The following PDE4D variants were observed in gnomAD, a reference collection of about 807,000 sequenced individuals.
The protein encoded by PDE4D is 3',5'-cyclic-AMP phosphodiesterase 4D.
PDE4D carries 24 observed loss-of-function variants against 87.4 expected under a neutral mutation model. The ratio of observed to expected loss-of-function variants is 0.27; its 90% CI spans 0.20 to 0.39. PDE4D has a LOEUF of 0.39. PDE4D is among the 10% of genes least tolerant of loss of function. The pLI is 1.00. For missense variants in PDE4D, 714 were observed against 1,041.0 expected (o/e 0.69, Z 4.32); for synonymous variants, 384 against 383.2 (o/e 1.00, Z -0.02).
chr5:59,856,897 T>C (rs561125300), intron 1 of PDE4D, among the ~76,000 whole-genome samples: 1 of 152,086 alleles, frequency 6.6e-6, no homozygotes, highest in Non-Finnish European at 1.5e-5. Flanking sequence ...TGAGTATTAG[T>C]CCTTTTTTTT....
intron 1 of PDE4D, among the ~76,000 whole-genome samples, chr5:59,878,343 T>C (rs1748912491): frequency 6.6e-6 from 1 of 152,220 alleles, no homozygotes; most frequent in Non-Finnish European, 1.5e-5. Context: ...TTCAAATGTT[T>C]GCCTTACCCA....
intron 1 of PDE4D, among the ~76,000 whole-genome samples, chr5:60,387,553 C>T (rs6886304): frequency 0.16 from 24,308 of 152,200 alleles, 3,279 homozygotes; most frequent in African/African-American, 0.37. Flanking sequence ...GGCAGAGATG[C>T]CTGTACTGAC....
chr5:59,709,117 G>A (rs1753849461), intron 1 of PDE4D, among the ~76,000 whole-genome samples: 1 of 152,100 alleles, frequency 6.6e-6, no homozygotes, highest in Middle Eastern at 3.2e-3. Flanking sequence ...TTGCATGGAA[G>A]TAAAGGAACT....
chr5:60,302,745 T>C (rs913359963), intron 1 of PDE4D, among the ~76,000 whole-genome samples: 8 of 152,212 alleles, frequency 5.3e-5, no homozygotes, highest in African/African-American at 1.4e-4. Flanking sequence ...CTAGTTCCTT[T>C]AGTTGTGATG....
At chr5:59,706,925 T>G (rs1454025862) in intron 1 of PDE4D, among the ~76,000 whole-genome samples, 1 of 152,128 alleles carries the variant, frequency 6.6e-6, no homozygotes, top group African/African-American at 2.4e-5. Context: ...TTATGGACAA[T>G]GAAACCAAAT....
intron 1 of PDE4D, among the ~76,000 whole-genome samples, chr5:59,694,724 T>C (rs1751496387): frequency 6.6e-6 from 1 of 151,976 alleles, no homozygotes; most frequent in East Asian, 1.9e-4. Context: ...ACAAAGCCAA[T>C]GTCTTGAGAA....
At chr5:59,662,351 G>T (rs1745392708) in intron 1 of PDE4D, among the ~76,000 whole-genome samples, 1 of 152,166 alleles carries the variant, frequency 6.6e-6, no homozygotes, top group Non-Finnish European at 1.5e-5. Context: ...GAAAGGACAA[G>T]GTATACTGCA....
At chr5:59,336,840 C>T (rs1216118674) in intron 1 of PDE4D, among the ~76,000 whole-genome samples, 4 of 152,152 alleles carry the variant, frequency 2.6e-5, no homozygotes, top group Admixed American at 6.5e-5. Flanking sequence ...CTTGGGTCTC[C>T]TGCCTACCAA....
chr5:59,563,406 A>T (rs1820377265), intron 1 of PDE4D, among the ~76,000 whole-genome samples: 1 of 152,242 alleles, frequency 6.6e-6, no homozygotes, highest in Admixed American at 6.5e-5. Context: ...AATTATCTGC[A>T]GCCACAGTAG....
chr5:59,276,389 A>C (rs1764834884), intron 1 of PDE4D, among the ~76,000 whole-genome samples: 1 of 152,162 alleles, frequency 6.6e-6, no homozygotes, highest in Non-Finnish European at 1.5e-5. Flanking sequence ...TAAACAAATG[A>C]ATTTTATAAA....
chr5:59,846,649 C>T (rs924414203), intron 1 of PDE4D, among the ~76,000 whole-genome samples: 1 of 151,956 alleles, frequency 6.6e-6, no homozygotes, highest in Admixed American at 6.6e-5. Context: ...GTCTGCTCTG[C>T]CTGAGAAAAC....
At chr5:59,692,704 A>T (rs987967752) in intron 1 of PDE4D, among the ~76,000 whole-genome samples, 7 of 152,254 alleles carry the variant, frequency 4.6e-5, no homozygotes, top group Admixed American at 1.3e-4. Flanking sequence ...CCCTACATAG[A>T]AGCACATTTA....
chr5:60,326,531 A>G (rs1477258307), intron 1 of PDE4D, among the ~76,000 whole-genome samples: 1 of 152,104 alleles, frequency 6.6e-6, no homozygotes, highest in Non-Finnish European at 1.5e-5. Flanking sequence ...CCATCAGAAA[A>G]TTTTAAGAAT....
chr5:59,761,952 T>C (rs1295131072), intron 1 of PDE4D, among the ~76,000 whole-genome samples: 7 of 152,088 alleles, frequency 4.6e-5, no homozygotes, highest in Non-Finnish European at 1.0e-4. Context: ...ACAAGAGTAA[T>C]TAATGCATTG....
chr5:59,858,569 C>T (rs969228199), intron 1 of PDE4D, among the ~76,000 whole-genome samples: 2 of 152,008 alleles, frequency 1.3e-5, no homozygotes, highest in Non-Finnish European at 2.9e-5. Flanking sequence ...GCTCATCAGT[C>T]CCAGAAGAAA....
intron 1 of PDE4D, among the ~76,000 whole-genome samples, chr5:60,416,402 C>T (rs546415372): frequency 2.2e-4 from 33 of 152,316 alleles, no homozygotes; most frequent in Admixed American, 5.2e-4. Flanking sequence ...CTCTTTGGGT[C>T]CACACTGTCT....
intron 2 of PDE4D, among the ~76,000 whole-genome samples, chr5:60,066,070 A>C (rs1772045528): frequency 6.6e-6 from 1 of 152,078 alleles, no homozygotes; most frequent in Non-Finnish European, 1.5e-5. Flanking sequence ...AAGTGTTCCT[A>C]TTTCTCCACA....
In PDE4D at chr5:60,230,205, A is replaced by C. The variant is rs537415956; in HGVS notation, c.-89-44518T>G. Among the ~76,000 whole-genome samples, 85 of 152,260 alleles carry C rather than the reference A, an allele frequency of 5.6e-4. 1 individual carries two copies. Among genetic ancestry groups the C allele is most frequent in the African/African-American group, 7.0e-4 (29 of 41,580 alleles). On this transcript the variant is annotated intron_variant, in intron 1 of 16. Transcript: ENST00000502484. ...TTTAAAAAACAATGATTTTAAAGTG[A>C]GAAACTAAAATGTGAATCTAGAAAC...
At position 60,470,656 on chromosome 5, in the gene PDE4D, T is replaced by G. The variant is rs539207533; in HGVS notation, c.-90+17286A>C. ...TACAATTCCAAAAATCCTTAAGCCCTTAAGAATTACGCTATATCAACTCTG... is the reference window on the plus strand; with the variant it reads ...TACAATTCCAAAAATCCTTAAGCCCGTAAGAATTACGCTATATCAACTCTG... On this transcript the variant is annotated intron_variant, in intron 1 of 16. Coordinates refer to the PDE4D transcript ENST00000502484. 1.3e-4 allele frequency among the ~76,000 whole-genome samples: 20 copies of G among 152,270 alleles called. No individual in the cohort carries two copies. In the South Asian group the frequency reaches 4.1e-3, roughly 32 times the overall value.
Sources: allele counts gnomAD v4.1 joint callset (sites outside exome capture counted in the v4.1 genomes callset), GRCh38; gene constraint gnomAD v4.1.1; transcripts MANE v1.5; gene names NCBI Gene and HGNC (gene_info 2026-07-23, HGNC 2026-07-21).